RHOU: variants seen among roughly 807,000 people sequenced by gnomAD.
RHOU encodes the protein ras homolog family member U.
Under a neutral mutation model 12.6 loss-of-function variants are expected in RHOU, and 8 were observed. That is an observed-to-expected ratio of 0.64 (90% CI 0.37 to 1.15). RHOU has a LOEUF of 1.15. RHOU is among the 50% of genes most tolerant of loss of function. The pLI, the probability that RHOU is intolerant of heterozygous loss-of-function variation, is 0.01. For missense variants in RHOU, 258 were observed against 347.0 expected (o/e 0.74, Z 2.04); for synonymous variants, 161 against 147.4 (o/e 1.09, Z -0.67).
At chr1:228,653,038 T>A in the RHOU span, among the ~76,000 whole-genome samples, 1 of 152,236 alleles carries the variant, frequency 6.6e-6, no homozygotes, top group South Asian at 2.1e-4. Context: ...CAAGATACAA[T>A]TGGAAATATT....
chr1:228,647,347 C>T, the RHOU span, among the ~76,000 whole-genome samples: 1 of 152,208 alleles, frequency 6.6e-6, no homozygotes, highest in Non-Finnish European at 1.5e-5. Context: ...TGCGCCCGCC[C>T]TTTTGGCGGG....
the RHOU span, among the ~76,000 whole-genome samples, chr1:228,726,364 G>C: frequency 6.6e-6 from 1 of 152,072 alleles, no homozygotes; most frequent in Non-Finnish European, 1.5e-5. Flanking sequence ...TATAGGGTAT[G>C]GTAAAAATCT....
chr1:228,741,172 C>T (rs998766160), intron 2 of RHOU, among the ~76,000 whole-genome samples: 3 of 152,132 alleles, frequency 2.0e-5, no homozygotes, highest in Middle Eastern at 3.2e-3. Context: ...CAACCCTGAT[C>T]AGACTTCTGT....
chr1:228,728,890 T>C, the RHOU span, among the ~76,000 whole-genome samples: 1 of 146,254 alleles, frequency 6.8e-6, no homozygotes, highest in South Asian at 2.1e-4. Flanking sequence ...TGTCAATTTC[T>C]TTTCTTTTCT....
the RHOU span, chr1:228,652,644 A>G: frequency 6.6e-6 from 1 of 152,232 alleles, no homozygotes; most frequent in Admixed American, 6.5e-5. Flanking sequence ...TCTTTTATCA[A>G]CTACGAAGTG....
chr1:228,742,783 CTCAG>C (rs1662750983), intron 2 of RHOU, among the ~76,000 whole-genome samples: 1 of 152,282 alleles, frequency 6.6e-6, no homozygotes, highest in African/African-American at 2.4e-5. Flanking sequence ...ATTGGCATCA[CTCAG>C]AGCTGTTGGG....
At chr1:228,649,932 T>C in the RHOU span, among the ~76,000 whole-genome samples, 9 of 152,370 alleles carry the variant, frequency 5.9e-5, no homozygotes, top group African/African-American at 2.2e-4. Context: ...ATTCTGCTTA[T>C]GTTGTTTGAC....
At chr1:228,685,115 A>G in the RHOU span, among the ~76,000 whole-genome samples, 2 of 152,310 alleles carry the variant, frequency 1.3e-5, no homozygotes, top group African/African-American at 4.8e-5. Context: ...GTAAACTGCC[A>G]TGGTGCTGGT....
At chr1:228,660,561 T>C in the RHOU span, among the ~76,000 whole-genome samples, 2 of 151,688 alleles carry the variant, frequency 1.3e-5, no homozygotes, top group African/African-American at 4.8e-5. Flanking sequence ...GATTGATGTA[T>C]AAAAATCCTC....
the RHOU span, among the ~76,000 whole-genome samples, chr1:228,675,989 A>C: frequency 6.6e-6 from 1 of 152,222 alleles, no homozygotes; most frequent in Non-Finnish European, 1.5e-5. Context: ...GTTATTCATC[A>C]GGAATTTTCA....
chr1:228,683,342 G>C, the RHOU span, among the ~76,000 whole-genome samples: 2 of 152,214 alleles, frequency 1.3e-5, no homozygotes, highest in African/African-American at 2.4e-5. Context: ...TCTGGAAAGG[G>C]AGAAGGAGAA....
chr1:228,725,378 A>G, the RHOU span, among the ~76,000 whole-genome samples: 30 of 152,306 alleles, frequency 2.0e-4, no homozygotes, highest in Admixed American at 1.3e-4. Context: ...ATTCAGTTCC[A>G]GAACACGGAT....
At chr1:228,727,318 T>C in the RHOU span, among the ~76,000 whole-genome samples, 23 of 152,110 alleles carry the variant, frequency 1.5e-4, no homozygotes, top group Admixed American at 1.4e-3. Context: ...CTCTCTCTCT[T>C]TTTTTCTGGG....
At chr1:228,690,021 C>T in the RHOU span, among the ~76,000 whole-genome samples, 16 of 152,180 alleles carry the variant, frequency 1.1e-4, no homozygotes, top group African/African-American at 2.9e-4. Context: ...AATTGGAGCA[C>T]GCAGAATCAA....
chr1:228,717,131 G>A, the RHOU span, among the ~76,000 whole-genome samples: 1 of 152,094 alleles, frequency 6.6e-6, no homozygotes, highest in Non-Finnish European at 1.5e-5. Context: ...TAGTCTTTTC[G>A]GGCCACTGAA....
chr1:228,679,640 T>C, the RHOU span, among the ~76,000 whole-genome samples: 2 of 151,764 alleles, frequency 1.3e-5, no homozygotes, highest in East Asian at 3.9e-4. Flanking sequence ...GTAAGGAGAG[T>C]TTATAGGCTT....
At chr1:228,698,646 A>G in the RHOU span, among the ~76,000 whole-genome samples, 1 of 152,266 alleles carries the variant, frequency 6.6e-6, no homozygotes, top group Non-Finnish European at 1.5e-5. Flanking sequence ...AAAAGACCTA[A>G]CAAATCATGC....
chr1:228,729,916 C>A, the RHOU span, among the ~76,000 whole-genome samples: 23,389 of 152,220 alleles, frequency 0.15, 2,074 homozygotes, highest in South Asian at 0.22. Context: ...TCAGCACATC[C>A]AACCAACCAT....
the RHOU span, among the ~76,000 whole-genome samples, chr1:228,706,958 T>C: frequency 1.3e-5 from 2 of 151,384 alleles, no homozygotes; most frequent in Admixed American, 6.6e-5. Context: ...ACGTAGTTAA[T>C]TAATATCTCC....
Sources: allele counts gnomAD v4.1 joint callset (sites outside exome capture counted in the v4.1 genomes callset), GRCh38; gene constraint gnomAD v4.1.1; transcripts MANE v1.5; gene names NCBI Gene and HGNC (gene_info 2026-07-23, HGNC 2026-07-21).